DIP2A: variants seen among roughly 807,000 people sequenced by gnomAD.
DIP2A encodes the protein disco-interacting protein 2 homolog A.
A neutral mutation model predicts 177.4 loss-of-function variants in DIP2A; 85 were observed. The observed-to-expected ratio is 0.48, with a 90% CI of 0.40 to 0.57. The LOEUF is 0.57. Ranked by LOEUF, DIP2A falls within the 20% of genes least tolerant of loss-of-function variation. The pLI, the probability that DIP2A is intolerant of heterozygous loss-of-function variation, is 0.00. For missense variants in DIP2A, 1,791 were observed against 2,100.2 expected (o/e 0.85, Z 2.88); for synonymous variants, 886 against 881.8 (o/e 1.00, Z -0.08).
intron 8 of DIP2A, among the ~76,000 whole-genome samples, chr21:46,519,844 T>C (rs1271182028): frequency 7.1e-6 from 1 of 140,886 alleles, no homozygotes; most frequent in Non-Finnish European, 1.5e-5. Context: ...AGAATTAGAA[T>C]ATTGATCTAG....
chr21:46,463,594 A>G (rs1388522716), intron 1 of DIP2A, among the ~76,000 whole-genome samples: 5 of 152,208 alleles, frequency 3.3e-5, no homozygotes, highest in Non-Finnish European at 7.3e-5. Context: ...AAAGGGGGAA[A>G]AAACTCTGGG....
chr21:46,523,317 C>T (rs1203618980), intron 8 of DIP2A, among the ~76,000 whole-genome samples: 2 of 151,964 alleles, frequency 1.3e-5, no homozygotes, highest in East Asian at 3.9e-4. Context: ...TCACTGCAAC[C>T]TCCGCCTCCC....
chr21:46,557,208 TG>T lies in DIP2A; in HGVS notation c.3629+142del. ...TGAGTGGGTTTGTTTGGGGATGAAGTGGGTTGGAGTCTGAGTCTGAAATTGA... is the reference window on the plus strand; with the variant it reads ...TGAGTGGGTTTGTTTGGGGATGAAGTGGTTGGAGTCTGAGTCTGAAATTGA... On this transcript the variant is annotated intron_variant, in intron 30 of 37. Transcript: ENST00000417564. This position sits in a 1 kb window ranked among gnomAD's most constrained non-coding sequence, Gnocchi z 6.0. 1 of 978,070 alleles carries T rather than the reference TG, an allele frequency of 1.0e-6. No homozygotes were observed. The highest frequency in any genetic ancestry group is 1.5e-6 in the Non-Finnish European group (1 of 684,082). The allele number at this position is 978,070 out of a possible 1,614,324, so 60.6% of individuals were successfully genotyped here. A position where few individuals can be genotyped will look rare whatever the true frequency, so the allele number is the denominator to read the frequency against.
chr21:46,563,890 C>T lies in DIP2A; in HGVS notation c.4122C>T (p.His1374=), dbSNP rs1271514555. The T allele has an allele frequency of 1.2e-6, 2 of 1,613,780 alleles. No individual in the cohort carries two copies. The highest frequency in any genetic ancestry group is 1.7e-5 in the Admixed American group (1 of 60,012). The part of the protein sequence containing the change: ...ILPGVKVIIA[H]TETKGPLGDS... Reference sequence around the variant, plus strand: ...CCGGCGTGAAGGTCATCATCGCACACACCGAGACCAAAGGACCCTTGGGAG... The same window carrying T: ...CCGGCGTGAAGGTCATCATCGCACATACCGAGACCAAAGGACCCTTGGGAG... The change falls in exon 35 of 38, where the codon CAC becomes CAT. Residue 1374 remains histidine, a synonymous_variant. Coordinates refer to ENST00000417564, the MANE Select transcript of DIP2A (RefSeq NM_015151.4). This position sits in a 1 kb window ranked among gnomAD's most constrained non-coding sequence, Gnocchi z 4.3.
chr21:46,531,240 G>A (rs2059344681), intron 9 of DIP2A, among the ~76,000 whole-genome samples: 1 of 152,106 alleles, frequency 6.6e-6, no homozygotes, highest in Non-Finnish European at 1.5e-5. Flanking sequence ...CAGCAGTGGA[G>A]TCCTCAGCAG....
Position 46,551,669 on chromosome 21 carries a change from G to A in DIP2A, c.2875G>A (p.Val959Ile), listed in dbSNP as rs1278072989. ...AGCCTCAATGATCGTGGGGAACCTG[G>A]TTGCTGGGAAGAGAATCGCTCAGGC... ...GPASMIVGNL[V>I]AGKRIAQASG... The change falls in exon 24 of 38, where the codon GTT becomes ATT. Residue 959 changes from valine to isoleucine, a missense_variant. Physicochemically the swap from Val to Ile is conservative, Grantham distance 29 (BLOSUM62 3). Transcript: ENST00000417564. 3 of 1,613,898 alleles carry A rather than the reference G, an allele frequency of 1.9e-6. No individual in the cohort carries two copies. Among genetic ancestry groups the A allele is most frequent in the South Asian group, 1.1e-5 (1 of 91,076 alleles).
At chr21:46,497,968 T>C (rs1291994893) in intron 4 of DIP2A, among the ~76,000 whole-genome samples, 7 of 152,270 alleles carry the variant, frequency 4.6e-5, no homozygotes, top group Admixed American at 1.3e-4. Flanking sequence ...ACAGTCATGC[T>C]GACTTGAAGA....
intron 21 of DIP2A, 30 bp from the exon 22 acceptor site, chr21:46,549,741 G>C (rs762962530): frequency 6.2e-7 from 1 of 1,611,098 alleles, no homozygotes; most frequent in Admixed American, 1.7e-5. Context: ...GCCTCTTGCC[G>C]TGTGGCCATT....
At chr21:46,516,204 T>C (rs971582393) in intron 8 of DIP2A, among the ~76,000 whole-genome samples, 1 of 152,186 alleles carries the variant, frequency 6.6e-6, no homozygotes, top group Non-Finnish European at 1.5e-5. Context: ...TTTCCTGTGA[T>C]GTTCTTTGAA....
chr21:46,551,919 C>T lies in DIP2A; in HGVS notation c.3030+15C>T, dbSNP rs373976922. 8.8e-5 allele frequency: 140 copies of T among 1,588,068 alleles called. No homozygotes were observed. In the African/African-American group the frequency reaches 1.1e-3, roughly 13 times the overall value. Reference sequence around the variant, plus strand: ...TGAACGCCAAGGTGAGGCAGTGTCACGCCCACGGGGCTTGGAAACACCTGT... The same window carrying T: ...TGAACGCCAAGGTGAGGCAGTGTCATGCCCACGGGGCTTGGAAACACCTGT... On this transcript the variant is annotated intron_variant, in intron 25 of 37. Coordinates refer to ENST00000417564, the MANE Select transcript of DIP2A (RefSeq NM_015151.4).
intron 18 of DIP2A, among the ~76,000 whole-genome samples, chr21:46,543,136 C>A (rs775483685): frequency 6.6e-6 from 1 of 151,506 alleles, no homozygotes; most frequent in Non-Finnish European, 1.5e-5. Flanking sequence ...GTCAGTCTTG[C>A]ACGGTGCTTG....
intron 35 of DIP2A, among the ~76,000 whole-genome samples, chr21:46,565,446 T>A (rs1176817816): frequency 6.6e-6 from 1 of 152,158 alleles, no homozygotes; most frequent in Non-Finnish European, 1.5e-5. Context: ...GAATTGCCCC[T>A]CTCGACTTAC....
rs768721654 is a variant in DIP2A at position 46,566,633 on chromosome 21, C to G, written c.4413C>G (p.Pro1471=). The change falls in exon 37 of 38, where the codon CCC becomes CCG. Residue 1471 remains proline (P), a synonymous_variant. Coordinates refer to ENST00000417564, the MANE Select transcript of DIP2A (RefSeq NM_015151.4). ...AGCTCAGAGGCATGCGGTACCACCCCATCGACATTGAGACCTCTGTCATCC... is the reference window on the plus strand; with the variant it reads ...AGCTCAGAGGCATGCGGTACCACCCGATCGACATTGAGACCTCTGTCATCC... The part of the protein sequence containing the change: ...TLELRGMRYH[P]IDIETSVIRA... 30 of 1,614,116 alleles carry G rather than the reference C, an allele frequency of 1.9e-5. No individual in the cohort carries two copies. Among genetic ancestry groups the G allele is most frequent in the Non-Finnish European group, 2.5e-5 (30 of 1,180,034 alleles).
In DIP2A at chr21:46,556,600, T is replaced by G; in HGVS notation, c.3499-339T>G. The G allele has an allele frequency of 2.7e-6, 1 of 371,872 alleles. No individual in the cohort carries two copies. Among genetic ancestry groups the G allele is most frequent in the African/African-American group, 2.1e-5 (1 of 47,372 alleles). 23.0% of individuals were successfully genotyped at this position (371,872 alleles called of 1,614,324 possible). A position where few individuals can be genotyped will look rare whatever the true frequency, so the allele number is the denominator to read the frequency against. On this transcript the variant is annotated intron_variant, in intron 29 of 37. Transcript: ENST00000417564. The surrounding 1 kb of genome is among the most constrained non-coding windows in gnomAD (Gnocchi z 4.5). ...CAGGAGGCTGAGGCAGGAGAATTGC[T>G]TGAACCCGGGAGGCAGAGGTTGCAG...
intron 6 of DIP2A, among the ~76,000 whole-genome samples, chr21:46,508,580 G>A (rs111735140): frequency 0.052 from 7,738 of 147,888 alleles, 440 homozygotes; most frequent in African/African-American, 0.14. Flanking sequence ...GGATGGTCTC[G>A]ATCTCCTGAC....
chr21:46,509,269 A>G lies in DIP2A; in HGVS notation c.797A>G (p.Asn266Ser). Residue 266 changes from asparagine (N) to serine (S), a missense_variant, in exon 7 of 38, where the codon AAC (asparagine) becomes AGC (serine). Transcript: ENST00000417564. The stretch of plus-strand genomic sequence containing the variant: ...CTTCCCGTGACAGGTGTCCCTGTGA[A>G]CAGCAGAGTGTCCTCCAAAATCCAG... ...MLETADGVPV[N>S]SRVSSKIQQL... is the part of the protein sequence containing the mutation. The G allele has an allele frequency of 6.2e-7, 1 of 1,613,278 alleles. No homozygotes were observed. Among genetic ancestry groups the G allele is most frequent in the Non-Finnish European group, 8.5e-7 (1 of 1,179,632 alleles).
At position 46,458,974 on chromosome 21, in the gene DIP2A, G is replaced by T; in HGVS notation, c.-158G>T. On this transcript the variant is annotated 5_prime_UTR_variant, in exon 1 of 38. Transcript: ENST00000417564. The stretch of plus-strand genomic sequence containing the variant: ...TCCGCGCTCGTGCCCGCGCGGGTGC[G>T]TTGCTGTCCTGGCCGCGCCCCTGTC... The T allele has an allele frequency of 2.1e-6, 1 of 480,238 alleles. No homozygotes were observed. The highest frequency in any genetic ancestry group is 2.0e-5 in the African/African-American group (1 of 49,298). 29.7% of individuals were successfully genotyped at this position (480,238 alleles called of 1,614,324 possible). A position where few individuals can be genotyped will look rare whatever the true frequency, so the allele number is the denominator to read the frequency against.
At chr21:46,495,220 T>TC (rs2057253027) in intron 3 of DIP2A, among the ~76,000 whole-genome samples, 2 of 101,202 alleles carry the variant, frequency 2.0e-5, no homozygotes, top group African/African-American at 9.3e-5. Flanking sequence ...TTCTCTTCTC[T>TC]TCTCTTCTCT....
intron 2 of DIP2A, among the ~76,000 whole-genome samples, chr21:46,489,379 C>T (rs1403009072): frequency 2.6e-5 from 4 of 152,196 alleles, no homozygotes; most frequent in African/African-American, 4.8e-5. Context: ...GTGAGGGCTC[C>T]TCAGTCACAG....
Sources: allele counts gnomAD v4.1 joint callset (sites outside exome capture counted in the v4.1 genomes callset), GRCh38; gene constraint gnomAD v4.1.1; non-coding constraint Gnocchi (gnomAD v3.1); transcripts MANE v1.5; gene names NCBI Gene and HGNC (gene_info 2026-07-23, HGNC 2026-07-21).